Variants in IPP observed in about 807,000 individuals in gnomAD.
IPP encodes the protein actin-binding protein IPP.
A neutral mutation model predicts 64.1 loss-of-function variants in IPP; 41 were observed. The ratio of observed to expected loss-of-function variants is 0.64; its 90% CI spans 0.50 to 0.83. The LOEUF (loss-of-function observed/expected upper bound fraction) is 0.83. IPP is among the 40% of genes least tolerant of loss of function. The pLI is 0.00. For missense variants in IPP, 649 were observed against 703.0 expected, an observed-to-expected ratio of 0.92 and a Z score of 0.87; for synonymous variants, 214 against 235.2, an observed-to-expected ratio of 0.91 and a Z score of 0.83.
chr1:45,706,352 C>T (rs554195730), intron 8 of IPP, among the ~76,000 whole-genome samples: 2 of 152,286 alleles, frequency 1.3e-5, no homozygotes, highest in South Asian at 4.1e-4. Flanking sequence ...GTAGTCCCAG[C>T]TTACTTGGAA....
downstream of IPP, among the ~76,000 whole-genome samples, chr1:45,696,275 G>A (rs924286480): frequency 9.2e-5 from 14 of 152,032 alleles, no homozygotes; most frequent in African/African-American, 2.7e-4. Context: ...GAAGCATATC[G>A]GATTGTTAAA....
chr1:45,742,238 G>A (rs902956099), intron 2 of IPP, among the ~76,000 whole-genome samples: 1 of 151,886 alleles, frequency 6.6e-6, no homozygotes, highest in Non-Finnish European at 1.5e-5. Flanking sequence ...GTAGGAGGAG[G>A]GTAAAGATTG....
At chr1:45,708,667 GA>G (rs1645546869) in intron 8 of IPP, among the ~76,000 whole-genome samples, 1 of 93,600 alleles carries the variant, frequency 1.1e-5, no homozygotes, top group Admixed American at 1.4e-4. Flanking sequence ...TGATGAGAGT[GA>G]AACTCACCTC....
chr1:45,715,457 C>T (rs538009231), intron 7 of IPP, among the ~76,000 whole-genome samples: 36 of 151,956 alleles, frequency 2.4e-4, no homozygotes, highest in African/African-American at 5.8e-4. Flanking sequence ...CTGGCTAACA[C>T]GGTGAAACCC....
intron 5 of IPP, among the ~76,000 whole-genome samples, chr1:45,726,090 AAAAT>A (rs530444709): frequency 1.7e-4 from 26 of 148,970 alleles, no homozygotes; most frequent in East Asian, 3.9e-4. Flanking sequence ...ATCAATAAAA[AAAAT>A]AAATAAATAA....
At chr1:45,704,091 A>G (rs139771167) in intron 8 of IPP, among the ~76,000 whole-genome samples, 3,606 of 152,292 alleles carry the variant, frequency 0.024, 70 homozygotes, top group Admixed American at 0.035. Flanking sequence ...AACTGAGGGA[A>G]TGAGGGAACC....
Position 45,740,966 on chromosome 1 carries a change from A to C in IPP, c.659T>G (p.Val220Gly). 2 of 1,613,822 alleles carry C rather than the reference A, an allele frequency of 1.2e-6. No individual in the cohort carries two copies. Among genetic ancestry groups the C allele is most frequent in the Non-Finnish European group, 1.7e-6 (2 of 1,179,864 alleles). ...KDLGKRRKHVVEVLDPIRFPL... is the reference protein window; with the variant it reads ...KDLGKRRKHVGEVLDPIRFPL... ...GAATCGAATTGGGTCTAGCACTTCC[A>C]CCACATGTTTTCTTCTTTTTCCCAA... The change falls in exon 3 of 9, where the codon GTG (valine) becomes GGG (glycine). Residue 220 changes from valine (V) to glycine (G), a missense_variant. Transcript: ENST00000396478.
rs760180998 is a variant in IPP at position 45,714,349 on chromosome 1, G to T, written c.1427C>A (p.Ala476Glu). Residue 476 changes from alanine to glutamate, a missense_variant, in exon 8 of 9, where the codon GCA (alanine) becomes GAA (glutamate). Ala to Glu is a moderately radical substitution (Grantham distance 107, BLOSUM62 -1). Coordinates refer to ENST00000396478, the MANE Select transcript of IPP (RefSeq NM_005897.3). ...SPLPPMGTRRAYLGVAALNDC... is the reference protein window; with the variant it reads ...SPLPPMGTRREYLGVAALNDC... Reference sequence around the variant, plus strand: ...ATTGAGTGCAGCCACACCAAGATATGCTCTCCTGGTTCCCATTGGAGGAAG... The same window carrying T: ...ATTGAGTGCAGCCACACCAAGATATTCTCTCCTGGTTCCCATTGGAGGAAG... 6.2e-7 allele frequency: 1 copy of T among 1,613,448 alleles called. No homozygotes were observed.
chr1:45,746,015 T>C (rs762610902), intron 2 of IPP, 105 bp downstream of exon 2: 21 of 947,554 alleles, frequency 2.2e-5, no homozygotes, highest in Non-Finnish European at 3.3e-5. Context: ...TAATAACATG[T>C]TGCTAAATTA....
rs768425908 is a variant in IPP at position 45,716,913 on chromosome 1, C to T, written c.1291G>A (p.Gly431Arg). The stretch of plus-strand genomic sequence containing the variant: ...TGATTACCTTGCATTTCACAGCACC[C>T]AAAGTAGTAGCGTGACACAGCCATG... Reference protein sequence around the residue: ...GNMAVSRYYFGCCEMQGLIYV... With the variant: ...GNMAVSRYYFRCCEMQGLIYV... Residue 431 changes from glycine to arginine, a missense_variant, in exon 7 of 9, where the codon GGG becomes AGG. By Grantham distance (125) the Gly-to-Arg change is moderately radical. Coordinates refer to ENST00000396478, the MANE Select transcript of IPP (RefSeq NM_005897.3). 4.3e-6 allele frequency: 7 copies of T among 1,612,218 alleles called. No homozygotes were observed. Among genetic ancestry groups the T allele is most frequent in the Non-Finnish European group, 5.9e-6 (7 of 1,179,198 alleles).
chr1:45,734,304 G>C (rs1645947954), intron 3 of IPP, among the ~76,000 whole-genome samples: 1 of 151,648 alleles, frequency 6.6e-6, no homozygotes, highest in African/African-American at 2.4e-5. Flanking sequence ...ATATTTCTTG[G>C]GACAAGGGAA....
intron 8 of IPP, 131 bp from the exon 9 acceptor site, chr1:45,700,321 C>T: frequency 2.3e-6 from 3 of 1,309,206 alleles, no homozygotes; most frequent in Non-Finnish European, 3.0e-6. Flanking sequence ...GGTAAGCATA[C>T]AGATTTTTTT....
At position 45,699,142 on chromosome 1, in the gene IPP, C is replaced by T; in HGVS notation, c.*824G>A. The stretch of plus-strand genomic sequence containing the variant: ...CTTACTTGCATTCTCAGGATCAAGA[C>T]AAAAAATATGAGCAAGCAAAAACTT... On this transcript the variant is annotated 3_prime_UTR_variant, in exon 9 of 9. Coordinates refer to ENST00000396478, the MANE Select transcript of IPP (RefSeq NM_005897.3). 2 of 985,206 alleles carry T rather than the reference C, an allele frequency of 2.0e-6. No individual in the cohort carries two copies. The highest frequency in any genetic ancestry group is 1.1e-4 in the East Asian group (1 of 8,816). The allele number at this position is 985,206 out of a possible 1,614,324, so 61.0% of individuals were successfully genotyped here.
At chr1:45,707,194 C>T (rs1342312747) in intron 8 of IPP, among the ~76,000 whole-genome samples, 4 of 152,062 alleles carry the variant, frequency 2.6e-5, no homozygotes, top group South Asian at 2.1e-4. Context: ...GAGGCCGAGG[C>T]GGGTGGATCA....
Position 45,714,391 on chromosome 1 carries a change from G to A in IPP, c.1385C>T (p.Ser462Phe). The change falls in exon 8 of 9, where the codon TCT becomes TTT. Residue 462 changes from serine to phenylalanine, a missense_variant. Transcript: ENST00000396478. ...LRSFEVYDPL[S>F]KRWSPLPPMG... The stretch of plus-strand genomic sequence containing the variant: ...TGGAGGAAGTGGAGACCAACGCTTA[G>A]AAAGTGGATCATAGACTTCAAAAGA... The A allele has an allele frequency of 6.2e-7, 1 of 1,614,064 alleles. No homozygotes were observed.
At chr1:45,728,962 C>T (rs1645869070) in intron 4 of IPP, among the ~76,000 whole-genome samples, 1 of 140,132 alleles carries the variant, frequency 7.1e-6, no homozygotes, top group Non-Finnish European at 1.6e-5. Context: ...CCTGTCTCTA[C>T]TTAAAATATA....
intron 8 of IPP, among the ~76,000 whole-genome samples, chr1:45,706,770 CA>C (rs1484337129): frequency 6.6e-6 from 1 of 151,994 alleles, no homozygotes; most frequent in Non-Finnish European, 1.5e-5. Context: ...TTTTAAGTCT[CA>C]AAAATATCAG....
chr1:45,718,885 G>A (rs1396345002), intron 6 of IPP, among the ~76,000 whole-genome samples: 1 of 150,082 alleles, frequency 6.7e-6, no homozygotes, highest in Non-Finnish European at 1.5e-5. Flanking sequence ...GGAGGAGGTG[G>A]GCATGGTTAA....
chr1:45,694,982 T>A (rs1464300730), downstream of IPP: 1 of 152,956 alleles, frequency 6.5e-6, no homozygotes, highest in Admixed American at 6.6e-5. Context: ...ACCTCCCGAG[T>A]TCAAGCGATT....
Sources: allele counts gnomAD v4.1 joint callset (sites outside exome capture counted in the v4.1 genomes callset), GRCh38; gene constraint gnomAD v4.1.1; transcripts MANE v1.5; gene names NCBI Gene and HGNC (gene_info 2026-07-23, HGNC 2026-07-21).